Variants in ZCCHC14 observed in about 807,000 individuals in gnomAD.
The protein encoded by ZCCHC14 is zinc finger CCHC-type containing 14.
Under a neutral mutation model 85.0 loss-of-function variants are expected in ZCCHC14, and 16 were observed. The ratio of observed to expected loss-of-function variants is 0.19; its 90% confidence interval spans 0.13 to 0.29. ZCCHC14 has a LOEUF of 0.29. Ranked by LOEUF, ZCCHC14 falls within the 10% of genes least tolerant of loss-of-function variation. The pLI is 1.00. For missense variants in ZCCHC14, 1,303 were observed against 1,443.5 expected (o/e 0.90, Z 1.58); for synonymous variants, 775 against 630.7 (o/e 1.23, Z -3.43).
intron 1 of ZCCHC14, among the ~76,000 whole-genome samples, chr16:87,478,782 T>G (rs1912138213): frequency 6.6e-6 from 1 of 151,956 alleles, no homozygotes; most frequent in Non-Finnish European, 1.5e-5. Context: ...AATTTTTGTA[T>G]TTTTAGTAGA....
At chr16:87,464,180 G>A (rs1911410704) in intron 1 of ZCCHC14, among the ~76,000 whole-genome samples, 1 of 152,232 alleles carries the variant, frequency 6.6e-6, no homozygotes. Flanking sequence ...GGAGGAAGGG[G>A]AGAGGAGGGC....
chr16:87,406,317 T>G lies in ZCCHC14; in HGVS notation c.*3963A>C, dbSNP rs1465806519. 1 of 152,610 alleles carries G rather than the reference T, an allele frequency of 6.6e-6. No homozygotes were observed. 9.5% of individuals were successfully genotyped at this position (152,610 alleles called of 1,614,324 possible). Reference sequence around the variant, plus strand: ...AAAAACATTCTAAAAATGTACAATTTGTCCTTTTTAACAAAGTATAATAAA... The same window carrying G: ...AAAAACATTCTAAAAATGTACAATTGGTCCTTTTTAACAAAGTATAATAAA... On this transcript the variant is annotated 3_prime_UTR_variant, in exon 13 of 13. Coordinates refer to ENST00000671377, the MANE Select transcript of ZCCHC14 (RefSeq NM_015144.3).
At chr16:87,414,121 CCTCT>C (rs1214722190) in intron 10 of ZCCHC14, among the ~76,000 whole-genome samples, 2 of 136,462 alleles carry the variant, frequency 1.5e-5, no homozygotes, top group African/African-American at 3.4e-5. Flanking sequence ...GCACACCGGC[CCTCT>C]CTGTGTACGA....
At chr16:87,442,875 A>G (rs1309517071) in intron 2 of ZCCHC14, among the ~76,000 whole-genome samples, 1 of 152,248 alleles carries the variant, frequency 6.6e-6, no homozygotes, top group Non-Finnish European at 1.5e-5. Flanking sequence ...CTAAAGGCAA[A>G]TAACTACCAA....
chr16:87,488,861 A>G lies in ZCCHC14; in HGVS notation c.570+2808T>C, dbSNP rs2150781025. Reference sequence around the variant, plus strand: ...CCAAACTTCCGGGACTACAGGCGTAAGCCACCTTGCCAGGCCAAGAAATAA... The same window carrying G: ...CCAAACTTCCGGGACTACAGGCGTAGGCCACCTTGCCAGGCCAAGAAATAA... On this transcript the variant is annotated intron_variant, in intron 1 of 12. Transcript: ENST00000671377. Among the ~76,000 whole-genome samples, 3 of 152,388 alleles carry G rather than the reference A, an allele frequency of 2.0e-5. No homozygotes were observed. The South Asian group carries it at 6.2e-4, about 32-fold the overall frequency.
chr16:87,462,842 G>C (rs1271635448), intron 1 of ZCCHC14, among the ~76,000 whole-genome samples: 1 of 152,178 alleles, frequency 6.6e-6, no homozygotes, highest in Non-Finnish European at 1.5e-5. Flanking sequence ...GGCCGAGGCA[G>C]GCAGATCACC....
intron 2 of ZCCHC14, among the ~76,000 whole-genome samples, chr16:87,454,395 C>T (rs899309650): frequency 3.3e-5 from 5 of 152,088 alleles, no homozygotes; most frequent in African/African-American, 1.2e-4. Flanking sequence ...TCAACGCAGC[C>T]AGAGAAAAAT....
At position 87,420,565 on chromosome 16, in the gene ZCCHC14, T is replaced by G. The variant is rs751515723; in HGVS notation, c.950+42A>C. ...CATTGACCACAGGACCAGCCTGTCC[T>G]TGCCAGCTGTGGACGCGCCGGGTGC... On this transcript the variant is annotated intron_variant, in intron 5 of 12. Transcript: ENST00000671377. This position sits in a 1 kb window ranked among gnomAD's most constrained non-coding sequence, Gnocchi z 5.0. 8.5e-6 allele frequency: 13 copies of G among 1,531,460 alleles called. No homozygotes were observed. Among genetic ancestry groups the G allele is most frequent in the Non-Finnish European group, 1.2e-5 (13 of 1,121,592 alleles). The allele number at this position is 1,531,460 out of a possible 1,614,324, so 94.9% of individuals were successfully genotyped here.
chr16:87,470,593 A>G (rs574090649), intron 1 of ZCCHC14: 25 of 152,322 alleles, frequency 1.6e-4, no homozygotes, highest in African/African-American at 5.5e-4. Context: ...ACAGTCAATC[A>G]GCGATGTAGT....
rs1192686313 is a variant in ZCCHC14 at position 87,459,121 on chromosome 16, G to A, written c.694+887C>T. Among the ~76,000 whole-genome samples, 6 of 152,176 alleles carry A rather than the reference G, an allele frequency of 3.9e-5. No homozygotes were observed. In the East Asian group the frequency reaches 9.6e-4, roughly 24 times the overall value. ...GCTCAGGCCGCGCCTCACTACCCAC[G>A]CTGAGCTGTCCACGTGTACGTTAAA... On this transcript the variant is annotated intron_variant, in intron 2 of 12. Coordinates refer to ENST00000671377, the MANE Select transcript of ZCCHC14 (RefSeq NM_015144.3).
chr16:87,451,667 C>T (rs1383967047), intron 2 of ZCCHC14, among the ~76,000 whole-genome samples: 79 of 152,320 alleles, frequency 5.2e-4, no homozygotes, highest in Non-Finnish European at 7.3e-5. Flanking sequence ...TGATGCTGTG[C>T]TAGGCTTCAA....
chr16:87,439,150 T>TC (rs397958391), intron 2 of ZCCHC14, among the ~76,000 whole-genome samples: 3 of 151,682 alleles, frequency 2.0e-5, no homozygotes, highest in Admixed American at 6.6e-5. Flanking sequence ...TTTTTTTTTT[T>TC]CTTTTTTTAG....
intron 2 of ZCCHC14, among the ~76,000 whole-genome samples, chr16:87,446,791 C>A (rs975693111): frequency 1.3e-5 from 2 of 151,960 alleles, no homozygotes; most frequent in East Asian, 1.9e-4. Flanking sequence ...CCAAGCAATT[C>A]TCTTGTCTCA....
Position 87,492,956 on chromosome 16 carries a change from G to A in ZCCHC14, c.-718C>T, listed in dbSNP as rs1912852740. ...GGCGACGGCGACGGCGACGGCGGAG[G>A]AGGCGCCGGCCGAGGAGCGGAGGGA... On this transcript the variant is annotated 5_prime_UTR_variant, in exon 1 of 13. Transcript: ENST00000671377. This position sits in a 1 kb window ranked among gnomAD's most constrained non-coding sequence, Gnocchi z 6.7. Among the ~76,000 whole-genome samples, 1 of 151,338 alleles carries A rather than the reference G, an allele frequency of 6.6e-6. No homozygotes were observed.
Position 87,407,247 on chromosome 16 carries a change from T to C in ZCCHC14, c.*3033A>G, listed in dbSNP as rs1375038564. On this transcript the variant is annotated 3_prime_UTR_variant, in exon 13 of 13. Transcript: ENST00000671377. Reference sequence around the variant, plus strand: ...AGAATTCTAAGTACTGAATTAAAAATACAGAACCTACTAACACTACTGTAT... The same window carrying C: ...AGAATTCTAAGTACTGAATTAAAAACACAGAACCTACTAACACTACTGTAT... 1.3e-5 allele frequency: 2 copies of C among 152,232 alleles called. No individual in the cohort carries two copies. The highest frequency in any genetic ancestry group is 2.4e-5 in the African/African-American group (1 of 41,456). The allele number at this position is 152,232 out of a possible 1,614,324, so 9.4% of individuals were successfully genotyped here. A position where few individuals can be genotyped will look rare whatever the true frequency, so the allele number is the denominator to read the frequency against.
intron 1 of ZCCHC14, among the ~76,000 whole-genome samples, chr16:87,468,664 A>G (rs947315378): frequency 1.3e-5 from 2 of 152,160 alleles, no homozygotes; most frequent in Admixed American, 1.3e-4. Flanking sequence ...TCCCTAACCT[A>G]GTGGTTCTCA....
chr16:87,436,270 T>G (rs117477602), intron 2 of ZCCHC14, among the ~76,000 whole-genome samples: 2 of 152,252 alleles, frequency 1.3e-5, no homozygotes, highest in African/African-American at 4.8e-5. Context: ...AATTCTAGGC[T>G]CCAAATGTTG....
chr16:87,444,656 T>C (rs1245717654), intron 2 of ZCCHC14, among the ~76,000 whole-genome samples: 2 of 152,148 alleles, frequency 1.3e-5, no homozygotes, highest in East Asian at 1.9e-4. Flanking sequence ...CTGAATCTAG[T>C]CAGGAGAAGT....
chr16:87,470,191 G>C (rs904912906), intron 1 of ZCCHC14, among the ~76,000 whole-genome samples: 1 of 152,044 alleles, frequency 6.6e-6, no homozygotes. Context: ...AATTACCCGA[G>C]TGTGGTGGTG....
Sources: allele counts gnomAD v4.1 joint callset (sites outside exome capture counted in the v4.1 genomes callset), GRCh38; gene constraint gnomAD v4.1.1; non-coding constraint Gnocchi (gnomAD v3.1); transcripts MANE v1.5; gene names NCBI Gene and HGNC (gene_info 2026-07-23, HGNC 2026-07-21).